ITGA9: variants seen among roughly 807,000 people sequenced by gnomAD.
ITGA9 encodes integrin alpha-9.
ITGA9 carries 56 observed loss-of-function variants against 127.8 expected under a neutral mutation model. The observed-to-expected ratio is 0.44, with a 90% CI of 0.35 to 0.55. The LOEUF (loss-of-function observed/expected upper bound fraction) is 0.55. Ranked by LOEUF, ITGA9 falls within the 20% of genes least tolerant of loss-of-function variation. ITGA9 has a pLI of 0.00. For missense variants in ITGA9, 1,196 were observed against 1,347.1 expected (o/e 0.89, Z 1.76); for synonymous variants, 508 against 514.5 (o/e 0.99, Z 0.17).
chr3:37,818,149 T>C lies in ITGA9; in HGVS notation c.3010-742T>C, dbSNP rs1351412794. ...TGGTTTTTTTCCCCACCGGAATTAA[T>C]GGTAATGGATCCTTTACTTTCCACT... On this transcript the variant is annotated intron_variant, in intron 27 of 27. Coordinates refer to ENST00000264741, the MANE Select transcript of ITGA9 (RefSeq NM_002207.3). 23 of 130,468 alleles carry C rather than the reference T, an allele frequency of 1.8e-4. No homozygotes were observed. In the Admixed American group the frequency reaches 1.9e-3, roughly 11 times the overall value. The allele number at this position is 130,468 out of a possible 1,614,324, so 8.1% of individuals were successfully genotyped here.
chr3:37,614,972 G>A (rs1370460491), intron 15 of ITGA9, among the ~76,000 whole-genome samples: 1 of 152,088 alleles, frequency 6.6e-6, no homozygotes. Context: ...TCTCCTGCCT[G>A]ATTGCCCTGG....
At chr3:37,508,783 A>G (rs1405441600) in intron 8 of ITGA9, among the ~76,000 whole-genome samples, 156 bp downstream of exon 8, 1 of 152,146 alleles carries the variant, frequency 6.6e-6, no homozygotes, top group African/African-American at 2.4e-5. Context: ...TCTCAGCGGT[A>G]TGTGTAATCT....
intron 3 of ITGA9, among the ~76,000 whole-genome samples, chr3:37,479,922 C>T (rs1261424463): frequency 6.6e-6 from 1 of 152,068 alleles, no homozygotes; most frequent in Non-Finnish European, 1.5e-5. Flanking sequence ...AGAGGTAGGC[C>T]ATAAGAACGC....
rs1408330782 is a variant in ITGA9, at chr3:37,700,284, G to A, written c.2067+16269G>A. ...CAGGTGTGAGCCACTGCACCTAGCC[G>A]GACATACTATTTGTTTGTTGCTGGT... is the stretch of plus-strand genomic sequence containing the variant. On this transcript the variant is annotated intron_variant, in intron 18 of 27. Transcript: ENST00000264741. 5.3e-5 allele frequency among the ~76,000 whole-genome samples: 8 copies of A among 151,078 alleles called. No individual in the cohort carries two copies. In the South Asian group the frequency reaches 1.1e-3, roughly 20 times the overall value.
At chr3:37,654,326 A>G (rs555074966) in intron 17 of ITGA9, among the ~76,000 whole-genome samples, 1 of 152,136 alleles carries the variant, frequency 6.6e-6, no homozygotes, top group East Asian at 1.9e-4. Flanking sequence ...TAGTCTCCTT[A>G]TTGTTTCAGG....
At chr3:37,792,312 C>T (rs1286549279) in intron 26 of ITGA9, among the ~76,000 whole-genome samples, 2 of 151,908 alleles carry the variant, frequency 1.3e-5, no homozygotes, top group East Asian at 1.9e-4. Flanking sequence ...AGACATGATC[C>T]GTGCCCTCCC....
At chr3:37,708,990 T>C (rs545842003) in intron 18 of ITGA9, among the ~76,000 whole-genome samples, 43 of 151,904 alleles carry the variant, frequency 2.8e-4, no homozygotes, top group Admixed American at 1.0e-3. Flanking sequence ...CACCACTTAA[T>C]ATGTGTTGTA....
intron 4 of ITGA9, among the ~76,000 whole-genome samples, chr3:37,484,175 A>G (rs1397140482): frequency 6.6e-6 from 1 of 152,184 alleles, no homozygotes; most frequent in African/African-American, 2.4e-5. Context: ...TCATTGGCCC[A>G]GGGTGGGAAA....
At chr3:37,571,116 T>C (rs928876278) in intron 15 of ITGA9, among the ~76,000 whole-genome samples, 2 of 152,152 alleles carry the variant, frequency 1.3e-5, no homozygotes, top group Non-Finnish European at 2.9e-5. Flanking sequence ...AGAGGCCCTT[T>C]TTGGGGGCAG....
intron 14 of ITGA9, 133 bp from the exon 15 acceptor site, chr3:37,542,292 G>A (rs1467736465): frequency 1.1e-6 from 1 of 924,808 alleles, no homozygotes; most frequent in African/African-American, 1.6e-5. Context: ...TCTCTGCTTG[G>A]GGCTGCAGTC....
chr3:37,779,600 T>C (rs557852880), intron 24 of ITGA9, among the ~76,000 whole-genome samples: 1 of 151,928 alleles, frequency 6.6e-6, no homozygotes, highest in Non-Finnish European at 1.5e-5. Flanking sequence ...AATTTAAGTT[T>C]GTGGGTTTAA....
At chr3:37,465,278 G>A (rs953919409) in intron 1 of ITGA9, among the ~76,000 whole-genome samples, 2 of 152,178 alleles carry the variant, frequency 1.3e-5, no homozygotes, top group African/African-American at 4.8e-5. Context: ...CAAAACATGA[G>A]ACAGGTTCAG....
In ITGA9 at chr3:37,577,554, G is replaced by A. The variant is rs368917769; in HGVS notation, c.1689+34969G>A. On this transcript the variant is annotated intron_variant, in intron 15 of 27. Transcript: ENST00000264741. ...ATACCCTTAAAAGGCATAAAAAAGT[G>A]GCATAGATGATGGCTGGAAAGATTA... 3.2e-4 allele frequency among the ~76,000 whole-genome samples: 48 copies of A among 152,300 alleles called. No individual in the cohort carries two copies. The East Asian group carries it at 8.9e-3, about 28-fold the overall frequency.
Position 37,820,680 on chromosome 3 carries a change from G to A in ITGA9, c.*1691G>A, listed in dbSNP as rs1380398066. On this transcript the variant is annotated 3_prime_UTR_variant, in exon 28 of 28. Coordinates refer to ENST00000264741, the MANE Select transcript of ITGA9 (RefSeq NM_002207.3). ...TCAATAACTGTTAACAGCTATGGCT[G>A]CTATTCCTACTGATGGATAACCATC... The A allele has an allele frequency of 6.6e-6, 1 of 152,160 alleles. No individual in the cohort carries two copies. The highest frequency in any genetic ancestry group is 1.5e-5 in the Non-Finnish European group (1 of 68,054). The allele number at this position is 152,160 out of a possible 1,614,324, so 9.4% of individuals were successfully genotyped here. A position where few individuals can be genotyped will look rare whatever the true frequency, so the allele number is the denominator to read the frequency against.
chr3:37,719,565 C>CTGG (rs1459073579), intron 18 of ITGA9, among the ~76,000 whole-genome samples: 1 of 152,156 alleles, frequency 6.6e-6, no homozygotes. Context: ...TCCACCCACC[C>CTGG]TGGAGGCCGC....
chr3:37,774,260 A>C (rs935607166), intron 23 of ITGA9, among the ~76,000 whole-genome samples: 2 of 152,230 alleles, frequency 1.3e-5, no homozygotes, highest in African/African-American at 2.4e-5. Context: ...ATTGAACCCA[A>C]GGAATAATTA....
rs911184706 is a variant in ITGA9, at chr3:37,597,956, G to A, written c.1690-31231G>A. Among the ~76,000 whole-genome samples, 1 of 152,236 alleles carries A rather than the reference G, an allele frequency of 6.6e-6. No homozygotes were observed. Among genetic ancestry groups the A allele is most frequent in the African/African-American group, 2.4e-5 (1 of 41,454 alleles). On this transcript the variant is annotated intron_variant, in intron 15 of 27. Coordinates refer to ENST00000264741, the MANE Select transcript of ITGA9 (RefSeq NM_002207.3). The surrounding 1 kb of genome is among the most constrained non-coding windows in gnomAD (Gnocchi z 4.6). ...TATTCACGTGGAGACTGAGAAGCAC[G>A]AGAAGGCAGAATTGGGCCCTTGATA...
intron 15 of ITGA9, among the ~76,000 whole-genome samples, chr3:37,543,194 G>A (rs187639814): frequency 1.3e-5 from 2 of 152,362 alleles, no homozygotes; most frequent in East Asian, 3.9e-4. Context: ...ATTAGCTACA[G>A]AGTGGCCCTT....
At chr3:37,562,559 C>T (rs1031224227) in intron 15 of ITGA9, among the ~76,000 whole-genome samples, 6 of 152,326 alleles carry the variant, frequency 3.9e-5, no homozygotes, top group South Asian at 2.1e-4. Context: ...AAGATGCCCA[C>T]GGCACGGAGG....
Sources: allele counts gnomAD v4.1 joint callset (sites outside exome capture counted in the v4.1 genomes callset), GRCh38; gene constraint gnomAD v4.1.1; non-coding constraint Gnocchi (gnomAD v3.1); transcripts MANE v1.5; gene names NCBI Gene and HGNC (gene_info 2026-07-23, HGNC 2026-07-21).